The following JAKMIP1 variants were observed in gnomAD, a reference collection of about 807,000 sequenced individuals.
JAKMIP1 encodes the protein janus kinase and microtubule interacting protein 1, also known as janus kinase and microtubule-interacting protein 1.
Under a neutral mutation model 113.0 loss-of-function variants are expected in JAKMIP1, and 33 were observed. The observed-to-expected ratio is 0.29, with a 90% CI of 0.22 to 0.39. The LOEUF (loss-of-function observed/expected upper bound fraction) is 0.39, where lower values mean the gene tolerates loss of function less well. Ranked by LOEUF, JAKMIP1 falls within the 10% of genes least tolerant of loss-of-function variation. The pLI, the probability that JAKMIP1 is intolerant of heterozygous loss-of-function variation, is 1.00. For missense variants in JAKMIP1, 813 were observed against 1,080.5 expected, an observed-to-expected ratio of 0.75 and a Z score of 3.47; for synonymous variants, 480 against 459.9, an observed-to-expected ratio of 1.04 and a Z score of -0.56.
chr4:6,170,215 C>T (rs1724269640), intron 1 of JAKMIP1, among the ~76,000 whole-genome samples: 1 of 148,028 alleles, frequency 6.8e-6, no homozygotes, highest in South Asian at 2.2e-4. Context: ...TTGTCAAGAC[C>T]ATCATAATGC....
rs1713149317 is a variant in JAKMIP1, at chr4:6,102,146, T to C, written c.624+3327A>G. On this transcript the variant is annotated intron_variant, in intron 3 of 20. Transcript: ENST00000409021. ...GTATTTGAATTTTGTGGTGCTCTACTGTAAATGATATTTTTTAAGATTTCA... is the reference window on the plus strand; with the variant it reads ...GTATTTGAATTTTGTGGTGCTCTACCGTAAATGATATTTTTTAAGATTTCA... Among the ~76,000 whole-genome samples, 5 of 152,358 alleles carry C rather than the reference T, an allele frequency of 3.3e-5. No homozygotes were observed. The Middle Eastern group carries it at 0.014, about 415-fold the overall frequency.
intron 1 of JAKMIP1, among the ~76,000 whole-genome samples, chr4:6,160,780 C>T (rs1044658647): frequency 3.3e-5 from 5 of 152,116 alleles, no homozygotes; most frequent in Non-Finnish European, 5.9e-5. Flanking sequence ...CGCTTTCCTG[C>T]GCGGGGGCTT....
At chr4:6,087,867 G>T (rs1721516175) in intron 3 of JAKMIP1, among the ~76,000 whole-genome samples, 1 of 152,124 alleles carries the variant, frequency 6.6e-6, no homozygotes, top group East Asian at 1.9e-4. Flanking sequence ...AGCAGCTGCT[G>T]AATGTGCCCA....
chr4:6,126,217 GAAACACACACACGC>G (rs1189732514), intron 1 of JAKMIP1, among the ~76,000 whole-genome samples: 5 of 130,228 alleles, frequency 3.8e-5, no homozygotes, highest in Admixed American at 8.4e-5. Context: ...ACACCATGCG[GAAACACACACACGC>G]AAACACACAC....
At position 6,088,448 on chromosome 4, in the gene JAKMIP1, C is replaced by T. The variant is rs1325791885; in HGVS notation, c.625-2819G>A. 2.6e-5 allele frequency among the ~76,000 whole-genome samples: 4 copies of T among 152,178 alleles called. No homozygotes were observed. Among genetic ancestry groups the T allele is most frequent in the Admixed American group, 6.5e-5 (1 of 15,284 alleles). On this transcript the variant is annotated intron_variant, in intron 3 of 20. Transcript: ENST00000409021. The surrounding 1 kb of genome is among the most constrained non-coding windows in gnomAD (Gnocchi z 5.5). ...CACTAGCTCCCCACAAAAGACAGCA[C>T]CGTCGCGAGCAAGACATCTCCAGGA... is the stretch of plus-strand genomic sequence containing the variant.
chr4:6,125,791 CACACCATACAGAAACACA>C, intron 1 of JAKMIP1, among the ~76,000 whole-genome samples: 1 of 137,524 alleles, frequency 7.3e-6, no homozygotes, highest in African/African-American at 3.0e-5. Context: ...GAAACACACA[CACACCATACAGAAACACA>C]CACACACACC....
Position 6,086,973 on chromosome 4 carries a change from A to C in JAKMIP1, c.625-1344T>G, listed in dbSNP as rs1287434072. 6.6e-6 allele frequency among the ~76,000 whole-genome samples: 1 copy of C among 152,092 alleles called. No homozygotes were observed. Among genetic ancestry groups the C allele is most frequent in the Non-Finnish European group, 1.5e-5 (1 of 68,022 alleles). ...CTTAGGGGGAAGTGTGGGCATGCAG[A>C]CACCTTGATTTCAATCTCCTGGCCT... On this transcript the variant is annotated intron_variant, in intron 3 of 20. Transcript: ENST00000409021. The surrounding 1 kb of genome is among the most constrained non-coding windows in gnomAD (Gnocchi z 4.1).
chr4:6,063,003 A>T (rs1717526006), intron 9 of JAKMIP1, among the ~76,000 whole-genome samples: 1 of 152,186 alleles, frequency 6.6e-6, no homozygotes, highest in East Asian at 1.9e-4. Flanking sequence ...TTAGCTGGTT[A>T]TGGTGGTGGG....
Position 6,037,917 on chromosome 4 carries a change from C to T in JAKMIP1, c.2176-1810G>A, listed in dbSNP as rs1298161035. 8.6e-4 allele frequency among the ~76,000 whole-genome samples: 115 copies of T among 132,964 alleles called. 2 individuals carry two copies. The highest frequency in any genetic ancestry group is 3.0e-3 in the African/African-American group (102 of 34,080). The allele number at this position is 132,964 out of a possible 152,430, so 87.2% of individuals were successfully genotyped here. Reference sequence around the variant, plus strand: ...CTCCATCACTGAGGCAGAGGCTAACCGGTATCCCTCCATCACTGAGTCAGA... The same window carrying T: ...CTCCATCACTGAGGCAGAGGCTAACTGGTATCCCTCCATCACTGAGTCAGA... On this transcript the variant is annotated intron_variant, in intron 18 of 20. Coordinates refer to ENST00000409021, the MANE Select transcript of JAKMIP1 (RefSeq NM_001099433.2).
Position 6,158,117 on chromosome 4 carries a change from A to G in JAKMIP1, c.-148+42136T>C, listed in dbSNP as rs578116394. On this transcript the variant is annotated intron_variant, in intron 1 of 20. Coordinates refer to ENST00000409021, the MANE Select transcript of JAKMIP1 (RefSeq NM_001099433.2). The surrounding 1 kb of genome is among the most constrained non-coding windows in gnomAD (Gnocchi z 5.3). Reference sequence around the variant, plus strand: ...TGGTCAAGTTACTCCTGCTCTCTCTACCTCCTCTCCTGACCTGGAACGCAA... The same window carrying G: ...TGGTCAAGTTACTCCTGCTCTCTCTGCCTCCTCTCCTGACCTGGAACGCAA... 4.6e-5 allele frequency among the ~76,000 whole-genome samples: 7 copies of G among 151,932 alleles called. 1 individual carries two copies. In the South Asian group the frequency reaches 1.5e-3, roughly 32 times the overall value.
At position 6,043,756 on chromosome 4, in the gene JAKMIP1, C is replaced by T. The variant is rs547322710; in HGVS notation, c.2029-1529G>A. 1.8e-4 allele frequency among the ~76,000 whole-genome samples: 28 copies of T among 151,386 alleles called. No homozygotes were observed. The East Asian group carries it at 5.1e-3, about 28-fold the overall frequency. On this transcript the variant is annotated intron_variant, in intron 16 of 20. Coordinates refer to ENST00000409021, the MANE Select transcript of JAKMIP1 (RefSeq NM_001099433.2). ...CCACACACCCCAAATTCCTTTCTGC[C>T]CCCCCAGCCAGCAAGTTCCCTAAAA...
In JAKMIP1 at chr4:6,097,870, T is replaced by G. The variant is rs1448573486; in HGVS notation, c.624+7603A>C. ...ACCCAAGACCAGGATGTCAGGTTTT[T>G]GTCTGGCTTTGAATATTTCAGAGGT... On this transcript the variant is annotated intron_variant, in intron 3 of 20. Transcript: ENST00000409021. This position sits in a 1 kb window ranked among gnomAD's most constrained non-coding sequence, Gnocchi z 4.3. 6.6e-6 allele frequency among the ~76,000 whole-genome samples: 1 copy of G among 152,234 alleles called. No individual in the cohort carries two copies. Among genetic ancestry groups the G allele is most frequent in the East Asian group, 1.9e-4 (1 of 5,190 alleles).
intron 19 of JAKMIP1, among the ~76,000 whole-genome samples, chr4:6,035,561 G>T (rs1307771166): frequency 6.6e-6 from 1 of 152,104 alleles, no homozygotes; most frequent in East Asian, 1.9e-4. Flanking sequence ...CATCACAAAA[G>T]GTAGCAAAAA....
rs1007050212 is a variant in JAKMIP1 at position 6,116,070 on chromosome 4, C to T, written c.-147-3073G>A. Among the ~76,000 whole-genome samples the T allele has an allele frequency of 3.2e-4, 49 of 152,148 alleles. No individual in the cohort carries two copies. Among genetic ancestry groups the T allele is most frequent in the African/African-American group, 1.2e-3 (49 of 41,432 alleles). On this transcript the variant is annotated intron_variant, in intron 1 of 20. Coordinates refer to ENST00000409021, the MANE Select transcript of JAKMIP1 (RefSeq NM_001099433.2). The surrounding 1 kb of genome is among the most constrained non-coding windows in gnomAD (Gnocchi z 5.1). The stretch of plus-strand genomic sequence containing the variant: ...ACACCCCATGCCAGACACTGCCAGG[C>T]TGGGCCACAGTGAGTGTGGAGACGA...
intron 1 of JAKMIP1, among the ~76,000 whole-genome samples, chr4:6,164,460 G>T (rs569035370): frequency 7.1e-6 from 1 of 140,228 alleles, no homozygotes; most frequent in African/African-American, 3.3e-5. Context: ...GATTGATGTT[G>T]TTGTCATGCC....
In JAKMIP1 at chr4:6,150,992, G is replaced by A. The variant is rs1721504518; in HGVS notation, c.-147-37995C>T. Among the ~76,000 whole-genome samples the A allele has an allele frequency of 6.6e-6, 1 of 152,054 alleles. No homozygotes were observed. Among genetic ancestry groups the A allele is most frequent in the Non-Finnish European group, 1.5e-5 (1 of 68,016 alleles). On this transcript the variant is annotated intron_variant, in intron 1 of 20. Transcript: ENST00000409021. The surrounding 1 kb of genome is among the most constrained non-coding windows in gnomAD (Gnocchi z 4.8). ...CACCTGGTGAAGGCTGCTGGGGATG[G>A]CAGCTCTTTCTCCCCAAGCTTTGGC...
chr4:6,074,634 A>G (rs1188608995), intron 8 of JAKMIP1, among the ~76,000 whole-genome samples: 3 of 152,236 alleles, frequency 2.0e-5, no homozygotes, highest in East Asian at 3.8e-4. Flanking sequence ...TAGTGCTTGC[A>G]TATAACCTAC....
chr4:6,030,935 C>T (rs925402335), intron 19 of JAKMIP1, among the ~76,000 whole-genome samples: 6 of 152,140 alleles, frequency 3.9e-5, no homozygotes, highest in Admixed American at 6.5e-5. Flanking sequence ...GTGATGAGGA[C>T]GCAGACGGTC....
At chr4:6,164,940 C>G (rs568512844) in intron 1 of JAKMIP1, among the ~76,000 whole-genome samples, 1 of 152,304 alleles carries the variant, frequency 6.6e-6, no homozygotes, top group East Asian at 1.9e-4. Flanking sequence ...GCTGTGAACA[C>G]TGTTAAAATG....
Sources: allele counts gnomAD v4.1 joint callset (sites outside exome capture counted in the v4.1 genomes callset), GRCh38; gene constraint gnomAD v4.1.1; non-coding constraint Gnocchi (gnomAD v3.1); transcripts MANE v1.5; gene names NCBI Gene and HGNC (gene_info 2026-07-23, HGNC 2026-07-21).